The following TRPM3 variants were observed in gnomAD, a reference collection of about 807,000 sequenced individuals.
TRPM3 encodes long transient receptor potential channel 3.
TRPM3 carries 77 observed loss-of-function variants against 181.2 expected under a neutral mutation model. The ratio of observed to expected loss-of-function variants is 0.42; its 90% confidence interval spans 0.35 to 0.51. The LOEUF is 0.51. Ranked by LOEUF, TRPM3 falls within the 20% of genes least tolerant of loss-of-function variation. The pLI is 0.01. For synonymous variants in TRPM3, 745 were observed against 796.4 expected, an observed-to-expected ratio of 0.94 and a Z score of 1.09; for missense variants, 1,759 against 2,196.7, an observed-to-expected ratio of 0.80 and a Z score of 3.98.
Position 71,171,434 on chromosome 9 carries a change from C to T in TRPM3, c.183+275219G>A, listed in dbSNP as rs147120106. ...ACCTACCGACATGTGATGTCTCCCC[C>T]GAACACCCGGCTTTAAAATTTCTCT... is the stretch of plus-strand genomic sequence containing the variant. On this transcript the variant is annotated intron_variant, in intron 1 of 24. Transcript: ENST00000357533. Among the ~76,000 whole-genome samples the T allele has an allele frequency of 7.0e-3, 1,070 of 152,238 alleles. 18 individuals are homozygous for T. The highest frequency in any genetic ancestry group is 0.024 in the African/African-American group (1,015 of 41,534).
chr9:71,165,292 T>C (rs1192225752), intron 1 of TRPM3, among the ~76,000 whole-genome samples: 2 of 152,184 alleles, frequency 1.3e-5, no homozygotes, highest in African/African-American at 4.8e-5. Context: ...GAACAGTGCC[T>C]GGTCTATAGA....
At chr9:70,602,736 G>T (rs1589156042) in intron 20 of TRPM3, among the ~76,000 whole-genome samples, 1 of 152,284 alleles carries the variant, frequency 6.6e-6, no homozygotes, top group East Asian at 1.9e-4. Flanking sequence ...ACCATTTAGG[G>T]GTGGCATTTT....
chr9:71,444,798 C>T (rs1054470955), intron 1 of TRPM3, among the ~76,000 whole-genome samples: 6 of 152,286 alleles, frequency 3.9e-5, no homozygotes, highest in African/African-American at 1.4e-4. Context: ...ACCATCTTAG[C>T]TCTAAGATTT....
chr9:70,576,128 C>A (rs150818740), intron 22 of TRPM3, among the ~76,000 whole-genome samples: 3 of 152,234 alleles, frequency 2.0e-5, no homozygotes, highest in Non-Finnish European at 4.4e-5. Context: ...TCCTCATGGG[C>A]GGTACAATGT....
At chr9:71,197,641 A>C (rs1462051098) in intron 1 of TRPM3, among the ~76,000 whole-genome samples, 1 of 151,952 alleles carries the variant, frequency 6.6e-6, no homozygotes, top group Non-Finnish European at 1.5e-5. Context: ...GCATTTTTTC[A>C]TGTGTCTTTT....
intron 1 of TRPM3, among the ~76,000 whole-genome samples, chr9:71,035,198 C>G (rs562047471): frequency 2.6e-5 from 4 of 152,278 alleles, no homozygotes; most frequent in Admixed American, 2.6e-4. Context: ...GCCAACTGCA[C>G]TCATCAAGTA....
chr9:71,176,350 C>T (rs2077106153), intron 1 of TRPM3, among the ~76,000 whole-genome samples: 1 of 151,876 alleles, frequency 6.6e-6, no homozygotes, highest in Non-Finnish European at 1.5e-5. Flanking sequence ...AATGTGTGTG[C>T]CTGTGTCTTA....
chr9:70,807,712 A>T (rs1458346899), intron 6 of TRPM3, among the ~76,000 whole-genome samples: 2 of 152,202 alleles, frequency 1.3e-5, no homozygotes, highest in Non-Finnish European at 2.9e-5. Context: ...AGAGACTGTG[A>T]AGGCAGATGG....
At chr9:71,384,442 C>T (rs1350175421) in intron 1 of TRPM3, among the ~76,000 whole-genome samples, 1 of 152,038 alleles carries the variant, frequency 6.6e-6, no homozygotes, top group Non-Finnish European at 1.5e-5. Context: ...CTAAAATAAC[C>T]CAATAGGCTT....
intron 1 of TRPM3, among the ~76,000 whole-genome samples, chr9:70,908,869 C>G (rs1235956583): frequency 6.6e-6 from 1 of 152,146 alleles, no homozygotes; most frequent in Non-Finnish European, 1.5e-5. Context: ...CACTTCAGAG[C>G]AGAAGGTGAA....
chr9:70,538,547 G>A (rs947702499), intron 25 of TRPM3, among the ~76,000 whole-genome samples: 5 of 152,176 alleles, frequency 3.3e-5, no homozygotes, highest in Admixed American at 3.3e-4. Flanking sequence ...TCCTGGCTCA[G>A]CCTCTCTAGT....
intron 1 of TRPM3, among the ~76,000 whole-genome samples, chr9:71,175,420 G>T (rs545282621): frequency 6.6e-6 from 1 of 152,270 alleles, no homozygotes; most frequent in South Asian, 2.1e-4. Flanking sequence ...GGCAAACAAG[G>T]GAACTGTGAG....
At position 70,629,596 on chromosome 9, in the gene TRPM3, CAA is replaced by C. The variant is rs202020581; in HGVS notation, c.1633-4081_1633-4080del. Reference sequence around the variant, plus strand: ...AGGTGATCCACTCATCTCGGCCTCCCAAAGTGTTGGGATTACAGGCATGAGCC... The same window carrying C: ...AGGTGATCCACTCATCTCGGCCTCCCAGTGTTGGGATTACAGGCATGAGCC... On this transcript the variant is annotated intron_variant, in intron 12 of 25. Coordinates refer to ENST00000677713, the MANE Select transcript of TRPM3 (RefSeq NM_001366145.2). 3.9e-5 allele frequency among the ~76,000 whole-genome samples: 6 copies of C among 152,200 alleles called. No individual in the cohort carries two copies. In the East Asian group the frequency reaches 1.2e-3, roughly 29 times the overall value.
In TRPM3 at chr9:70,828,026, G is replaced by A. The variant is rs747802380; in HGVS notation, c.802-8C>T. 1.2e-6 allele frequency: 2 copies of A among 1,605,364 alleles called. No individual in the cohort carries two copies. The highest frequency in any genetic ancestry group is 2.2e-5 in the South Asian group (2 of 90,300). On this transcript the variant is annotated splice_polypyrimidine_tract_variant and splice_region_variant and intron_variant, in intron 5 of 25. Coordinates refer to ENST00000677713, the MANE Select transcript of TRPM3 (RefSeq NM_001366145.2). ...CTGGTATGGCCGGACAACCTGCAGG[G>A]TATCAAATGGAAGAGGCAGAAGTCA...
At chr9:70,647,200 C>T (rs1043131404) in intron 9 of TRPM3, among the ~76,000 whole-genome samples, 5 of 151,998 alleles carry the variant, frequency 3.3e-5, no homozygotes, top group African/African-American at 1.2e-4. Flanking sequence ...ATGAGGTCAG[C>T]ATCATTCATA....
At chr9:70,787,216 A>G (rs2083873297) in intron 6 of TRPM3, among the ~76,000 whole-genome samples, 1 of 152,170 alleles carries the variant, frequency 6.6e-6, no homozygotes, top group Admixed American at 6.5e-5. Flanking sequence ...ACTAATTACC[A>G]ATTAAAATGA....
At chr9:70,569,480 G>C (rs892785616) in intron 22 of TRPM3, among the ~76,000 whole-genome samples, 1 of 152,216 alleles carries the variant, frequency 6.6e-6, no homozygotes, top group African/African-American at 2.4e-5. Flanking sequence ...GTGACTAGGT[G>C]ATTGAAGGAA....
At chr9:70,787,763 C>CTTTTTTTTTTTTTTTTTTTTGTTTTTTTT (rs2084054300) in intron 6 of TRPM3, among the ~76,000 whole-genome samples, 2 of 68,558 alleles carry the variant, frequency 2.9e-5, no homozygotes, top group African/African-American at 5.8e-5. Flanking sequence ...TTTTTGGATT[C>CTTTTTTTTTTTTTTTTTTTTGTTTTTTTT]TTTTTTTTTT....
intron 1 of TRPM3, among the ~76,000 whole-genome samples, chr9:70,980,036 G>C (rs2097347868): frequency 7.7e-6 from 1 of 129,296 alleles, no homozygotes; most frequent in Non-Finnish European, 1.6e-5. Flanking sequence ...GACCCAATCA[G>C]TCCACAGCAT....
Sources: gnomAD v4.1 joint callset for allele counts (sites outside exome capture counted in the v4.1 genomes callset) on GRCh38, gnomAD v4.1.1 for gene constraint, MANE v1.5 for transcripts, NCBI Gene and HGNC (gene_info 2026-07-23, HGNC 2026-07-21) for gene names.